ADGRV1: variants seen among roughly 807,000 people sequenced by gnomAD.
ADGRV1 encodes adhesion G protein-coupled receptor V1.
ADGRV1 carries 359 observed loss-of-function variants against 596.2 expected under a neutral mutation model. That is an observed-to-expected ratio of 0.60 (90% CI 0.55 to 0.66). ADGRV1 has a LOEUF of 0.66. Ranked by LOEUF, ADGRV1 falls within the 30% of genes least tolerant of loss-of-function variation. The pLI is 0.00. For synonymous variants in ADGRV1, 2,681 were observed against 2,679.2 expected (o/e 1.00, Z -0.02); for missense variants, 7,274 against 7,575.6 (o/e 0.96, Z 1.48).
At chr5:90,563,665 G>C (rs930013467) in intron 1 of ADGRV1, among the ~76,000 whole-genome samples, 3 of 152,182 alleles carry the variant, frequency 2.0e-5, no homozygotes, top group Non-Finnish European at 4.4e-5. Flanking sequence ...AATTAACAAA[G>C]AAGGTGCAAT....
At chr5:90,832,734 T>G (rs1764627006) in intron 77 of ADGRV1, among the ~76,000 whole-genome samples, 1 of 152,216 alleles carries the variant, frequency 6.6e-6, no homozygotes, top group South Asian at 2.1e-4. Context: ...GATCTTAAAT[T>G]TAAGTCTTTA....
chr5:91,045,490 C>G (rs1424053089), intron 85 of ADGRV1, among the ~76,000 whole-genome samples: 11 of 152,104 alleles, frequency 7.2e-5, no homozygotes, highest in Non-Finnish European at 1.6e-4. Flanking sequence ...ATCCAGCATT[C>G]CTTTATGATT....
chr5:91,052,680 C>G (rs1431753090), intron 85 of ADGRV1, among the ~76,000 whole-genome samples: 1 of 152,064 alleles, frequency 6.6e-6, no homozygotes, highest in East Asian at 1.9e-4. Context: ...GTGATCCACC[C>G]GCCTTGGCCT....
chr5:90,884,494 A>G (rs1357818645), intron 83 of ADGRV1, among the ~76,000 whole-genome samples: 2 of 152,150 alleles, frequency 1.3e-5, no homozygotes, highest in East Asian at 3.8e-4. Flanking sequence ...TGGTCTCTTC[A>G]AGAGCTGCTA....
chr5:90,945,709 G>A (rs1054597393), intron 83 of ADGRV1, among the ~76,000 whole-genome samples: 8 of 152,190 alleles, frequency 5.3e-5, no homozygotes, highest in Middle Eastern at 6.3e-3. Flanking sequence ...GTTTCAGCCA[G>A]ACATAGTGGC....
intron 29 of ADGRV1, among the ~76,000 whole-genome samples, chr5:90,688,634 T>A (rs1295322226): frequency 6.6e-6 from 1 of 152,166 alleles, no homozygotes; most frequent in Non-Finnish European, 1.5e-5. Context: ...GTAGAGTTTT[T>A]ATATATTTAT....
chr5:90,769,795 A>T, intron 59 of ADGRV1, among the ~76,000 whole-genome samples: 1 of 152,204 alleles, frequency 6.6e-6, no homozygotes, highest in South Asian at 2.1e-4. Flanking sequence ...TTCTAGGAAA[A>T]TATGTGCTCC....
chr5:91,049,053 CT>C (rs548820222), intron 85 of ADGRV1, among the ~76,000 whole-genome samples: 1 of 145,578 alleles, frequency 6.9e-6, no homozygotes, highest in Admixed American at 6.7e-5. Context: ...ATCATGCATT[CT>C]GCTTTTCCTT....
chr5:90,649,011 ATAT>A (rs1768208268), intron 17 of ADGRV1, among the ~76,000 whole-genome samples: 1 of 152,084 alleles, frequency 6.6e-6, no homozygotes, highest in Non-Finnish European at 1.5e-5. Flanking sequence ...GATATTATTA[ATAT>A]TATTATTTTT....
chr5:90,709,084 A>G (rs1301691806), intron 39 of ADGRV1, among the ~76,000 whole-genome samples, 175 bp downstream of exon 39: 1 of 152,318 alleles, frequency 6.6e-6, no homozygotes, highest in Non-Finnish European at 1.5e-5. Context: ...TTTTACAATG[A>G]ACAATGTAAA....
At chr5:91,072,734 T>C (rs1788499777) in intron 86 of ADGRV1, 130 bp downstream of exon 86, 1 of 845,158 alleles carries the variant, frequency 1.2e-6, no homozygotes, top group Non-Finnish European at 1.9e-6. Context: ...CAAGTTAAGC[T>C]ATAGCTCTCC....
chr5:91,120,894 C>A (rs1793254607), intron 87 of ADGRV1, among the ~76,000 whole-genome samples: 2 of 152,024 alleles, frequency 1.3e-5, no homozygotes, highest in African/African-American at 2.4e-5. Flanking sequence ...TAGAATGGGG[C>A]CAGGCACTAT....
At chr5:90,981,549 TG>T (rs371041389) in intron 84 of ADGRV1, among the ~76,000 whole-genome samples, 337 of 152,228 alleles carry the variant, frequency 2.2e-3, no homozygotes, top group African/African-American at 7.9e-3. Context: ...TTAATTGGTA[TG>T]TCTAGATGTT....
rs1260465693 is a variant in ADGRV1 at position 90,643,036 on chromosome 5, C to A, written c.2548C>A (p.Pro850Thr). The A allele has an allele frequency of 6.2e-7, 1 of 1,610,730 alleles. No homozygotes were observed. The highest frequency in any genetic ancestry group is 1.3e-5 in the African/African-American group (1 of 74,740). Reference protein sequence around the residue: ...ITLLARLDGIPELDEHYWVVL... With the variant: ...ITLLARLDGITELDEHYWVVL... Reference sequence around the variant, plus strand: ...CTTGCTAGCAAGATTGGATGGGATACCAGAGGTATGGGATTTTATATTTTC... The same window carrying A: ...CTTGCTAGCAAGATTGGATGGGATAACAGAGGTATGGGATTTTATATTTTC... The change falls in exon 13 of 90, where the codon CCA (proline) becomes ACA (threonine). Residue 850 changes from proline to threonine, a missense_variant. Physicochemically the swap from Pro to Thr is conservative, Grantham distance 38 (BLOSUM62 -1). Transcript: ENST00000405460.
chr5:90,721,531 A>AAAATAAAATAAATAAAAT (rs1314967115), intron 45 of ADGRV1, among the ~76,000 whole-genome samples: 1 of 82,642 alleles, frequency 1.2e-5, no homozygotes, highest in Non-Finnish European at 2.6e-5. Context: ...AAATAAAAAT[A>AAAATAAAATAAATAAAAT]AAAATAAAAT....
chr5:90,934,300 G>A (rs779647426), intron 83 of ADGRV1, among the ~76,000 whole-genome samples: 44 of 152,128 alleles, frequency 2.9e-4, no homozygotes, highest in Non-Finnish European at 6.2e-4. Flanking sequence ...TTCCCTGGGC[G>A]GTGAATGCTG....
chr5:90,862,588 T>C (rs1277732387), intron 82 of ADGRV1, among the ~76,000 whole-genome samples: 1 of 152,136 alleles, frequency 6.6e-6, no homozygotes, highest in Non-Finnish European at 1.5e-5. Context: ...CACTCTGTAC[T>C]TGTGTGGGTG....
At chr5:90,727,381 G>A (rs968753966) in intron 48 of ADGRV1, among the ~76,000 whole-genome samples, 3 of 152,034 alleles carry the variant, frequency 2.0e-5, no homozygotes, top group Admixed American at 2.0e-4. Context: ...AATAAGTGAA[G>A]ACATTTTGTC....
chr5:90,908,337 A>C (rs1174842095), intron 83 of ADGRV1, among the ~76,000 whole-genome samples: 1 of 152,220 alleles, frequency 6.6e-6, no homozygotes, highest in African/African-American at 2.4e-5. Flanking sequence ...TAAATGGGGT[A>C]TCCATCACCT....
Sources: gnomAD v4.1 joint callset for allele counts (sites outside exome capture counted in the v4.1 genomes callset) on GRCh38, gnomAD v4.1.1 for gene constraint, MANE v1.5 for transcripts, NCBI Gene and HGNC (gene_info 2026-07-23, HGNC 2026-07-21) for gene names.